ZBTB1: variants seen among roughly 807,000 people sequenced by gnomAD.
The protein encoded by ZBTB1 is zinc finger and BTB domain-containing protein 1.
A neutral mutation model predicts 51.6 loss-of-function variants in ZBTB1; 13 were observed. The observed-to-expected ratio is 0.25, with a 90% CI of 0.16 to 0.40. The LOEUF (loss-of-function observed/expected upper bound fraction) is 0.40, where lower values mean the gene tolerates loss of function less well. Among genes scored for constraint, ZBTB1 ranks in the 10% least tolerant of loss-of-function variants. ZBTB1 has a pLI of 1.00. For synonymous variants in ZBTB1, 240 were observed against 282.2 expected, an observed-to-expected ratio of 0.85 and a Z score of 1.50; for missense variants, 567 against 856.5, an observed-to-expected ratio of 0.66 and a Z score of 4.22.
intron 2 of ZBTB1, among the ~76,000 whole-genome samples, chr14:64,530,047 C>G (rs1050648096): frequency 1.3e-5 from 2 of 152,190 alleles, no homozygotes; most frequent in Non-Finnish European, 2.9e-5. Context: ...AACCTAGCAG[C>G]AAACTTTAAA....
Position 64,504,813 on chromosome 14 carries a change from C to T in ZBTB1, c.-152C>T, listed in dbSNP as rs2140053857. On this transcript the variant is annotated 5_prime_UTR_variant, in exon 1 of 2. Transcript: ENST00000683701. ...GCAGAGCCAGAGCCTCTCCGCGCAGCCCAGCCCGAGCGCCGAGCGCCGCGC... is the reference window on the plus strand; with the variant it reads ...GCAGAGCCAGAGCCTCTCCGCGCAGTCCAGCCCGAGCGCCGAGCGCCGCGC... 2 of 388,790 alleles carry T rather than the reference C, an allele frequency of 5.1e-6. No individual in the cohort carries two copies. Among genetic ancestry groups the T allele is most frequent in the South Asian group, 1.3e-4 (1 of 7,748 alleles). The allele number at this position is 388,790 out of a possible 1,614,324, so 24.1% of individuals were successfully genotyped here. A position where few individuals can be genotyped will look rare whatever the true frequency, so the allele number is the denominator to read the frequency against.
At position 64,522,628 on chromosome 14, in the gene ZBTB1, A is replaced by T; in HGVS notation, c.1124A>T (p.Glu375Val). 1.2e-6 allele frequency: 2 copies of T among 1,614,220 alleles called. No homozygotes were observed. The highest frequency in any genetic ancestry group is 4.5e-5 in the East Asian group (2 of 44,890). Residue 375 changes from glutamate to valine, a missense_variant, in exon 2 of 2, where the codon GAA (glutamate) becomes GTA (valine). Around this residue, in one of 5 missense-constraint regions of ZBTB1, gnomAD observed 329 missense variants for 406.3 expected, o/e 0.81. Coordinates refer to ENST00000683701, the MANE Select transcript of ZBTB1 (RefSeq NM_001123329.2). ...GAGCCATTTTATAGATACTATGTTGAAGAAGATGTCAGCATAAAAAAAAGT... is the reference window on the plus strand; with the variant it reads ...GAGCCATTTTATAGATACTATGTTGTAGAAGATGTCAGCATAAAAAAAAGT... Reference protein sequence around the residue: ...PEEPFYRYYVEEDVSIKKSGR... With the variant: ...PEEPFYRYYVVEDVSIKKSGR...
chr14:64,523,876 T>C lies in ZBTB1; in HGVS notation c.*230T>C, dbSNP rs1195809511. ...TTATTTGTTTTTAGTTTTTCTTAGCTATGATTAAAATTTTTAAATGTAGAC... is the reference window on the plus strand; with the variant it reads ...TTATTTGTTTTTAGTTTTTCTTAGCCATGATTAAAATTTTTAAATGTAGAC... On this transcript the variant is annotated 3_prime_UTR_variant, in exon 2 of 2. Coordinates refer to ENST00000683701, the MANE Select transcript of ZBTB1 (RefSeq NM_001123329.2). This position sits in a 1 kb window ranked among gnomAD's most constrained non-coding sequence, Gnocchi z 4.5. 8.3e-7 allele frequency: 1 copy of C among 1,207,448 alleles called. No individual in the cohort carries two copies. The highest frequency in any genetic ancestry group is 1.0e-6 in the Non-Finnish European group (1 of 958,854). The allele number at this position is 1,207,448 out of a possible 1,614,324, so 74.8% of individuals were successfully genotyped here.
downstream of ZBTB1, among the ~76,000 whole-genome samples, chr14:64,529,530 G>C: frequency 6.6e-6 from 1 of 152,172 alleles, no homozygotes; most frequent in Non-Finnish European, 1.5e-5. Flanking sequence ...CCAGCACTTT[G>C]AGAGACTGAG....
intron 2 of ZBTB1, among the ~76,000 whole-genome samples, chr14:64,531,224 C>T (rs2079939859): frequency 1.3e-5 from 2 of 151,566 alleles, no homozygotes; most frequent in African/African-American, 4.8e-5. Flanking sequence ...TCTTTTTTTT[C>T]AAATGCTTAT....
At position 64,523,040 on chromosome 14, in the gene ZBTB1, G is replaced by A. The variant is rs1210919324; in HGVS notation, c.1536G>A (p.Arg512=). 2 of 1,613,940 alleles carry A rather than the reference G, an allele frequency of 1.2e-6. No individual in the cohort carries two copies. The highest frequency in any genetic ancestry group is 1.3e-5 in the African/African-American group (1 of 74,892). Residue 512 remains arginine (R), a synonymous_variant, in exon 2 of 2, where the codon AGG becomes AGA. Transcript: ENST00000683701. This position sits in a 1 kb window ranked among gnomAD's most constrained non-coding sequence, Gnocchi z 4.5. ...DMFVEMLDDF[R]DNHYQINSIQ... is the part of the protein sequence containing the mutation. ...TTGTTGAAATGCTGGATGATTTTAG[G>A]GACAATCATTACCAGATAAACAGTA...
chr14:64,524,803 C>G lies in ZBTB1; in HGVS notation c.*1157C>G, dbSNP rs1367372781. The G allele has an allele frequency of 1.0e-6, 1 of 980,630 alleles. No homozygotes were observed. The highest frequency in any genetic ancestry group is 1.2e-6 in the Non-Finnish European group (1 of 825,788). The allele number at this position is 980,630 out of a possible 1,614,324, so 60.7% of individuals were successfully genotyped here. A position where few individuals can be genotyped will look rare whatever the true frequency, so the allele number is the denominator to read the frequency against. ...TAAAACTTGAGGATTATAAAATAATCACAGAGTATATCAATGGAAACAGTT... is the reference window on the plus strand; with the variant it reads ...TAAAACTTGAGGATTATAAAATAATGACAGAGTATATCAATGGAAACAGTT... On this transcript the variant is annotated 3_prime_UTR_variant, in exon 2 of 2. Coordinates refer to ENST00000683701, the MANE Select transcript of ZBTB1 (RefSeq NM_001123329.2).
rs571886106 is a variant in ZBTB1, at chr14:64,524,947, T to C, written c.*1301T>C. 14 of 983,456 alleles carry C rather than the reference T, an allele frequency of 1.4e-5. No homozygotes were observed. Among genetic ancestry groups the C allele is most frequent in the African/African-American group, 3.5e-5 (2 of 57,228 alleles). 60.9% of individuals were successfully genotyped at this position (983,456 alleles called of 1,614,324 possible). ...CCCACCAATAAACACATCTATTGAA[T>C]AGAATGCCTTTTAATGTGAATTACT... On this transcript the variant is annotated 3_prime_UTR_variant, in exon 2 of 2. Transcript: ENST00000683701.
chr14:64,522,556 A>T lies in ZBTB1; in HGVS notation c.1052A>T (p.Asp351Val). Residue 351 changes from aspartate (D) to valine (V), a missense_variant, in exon 2 of 2, where the codon GAC (aspartate) becomes GTC (valine). Around this residue, in one of 5 missense-constraint regions of ZBTB1, gnomAD observed 329 missense variants for 406.3 expected, o/e 0.81. Transcript: ENST00000683701. The part of the protein sequence containing the change: ...DFNIIKVTDK[D>V]CNESTDNDEL... ...AACATTATTAAAGTTACTGATAAAG[A>T]CTGTAATGAATCCACTGACAATGAT... 8 of 1,613,998 alleles carry T rather than the reference A, an allele frequency of 5.0e-6. No individual in the cohort carries two copies. The highest frequency in any genetic ancestry group is 5.9e-6 in the Non-Finnish European group (7 of 1,179,982).
intron 1 of ZBTB1, among the ~76,000 whole-genome samples, chr14:64,511,875 G>T (rs1156556671): frequency 6.6e-6 from 1 of 152,198 alleles, no homozygotes; most frequent in Non-Finnish European, 1.5e-5. Flanking sequence ...GGAGAAAACA[G>T]CCAGCCGGGT....
At chr14:64,531,873 G>T in exon 3 of ZBTB1, 1 of 1,613,692 alleles carries the variant, frequency 6.2e-7, no homozygotes, top group Non-Finnish European at 8.5e-7. Flanking sequence ...GTGAAATAGG[G>T]CCTTCTAAAC....
At chr14:64,517,936 C>G (rs917157337) in intron 1 of ZBTB1, among the ~76,000 whole-genome samples, 6 of 151,496 alleles carry the variant, frequency 4.0e-5, no homozygotes, top group African/African-American at 1.5e-4. Context: ...CAGGCGCAAG[C>G]AATTCTCTTG....
exon 3 of ZBTB1, chr14:64,531,991 C>A: frequency 6.9e-7 from 1 of 1,451,164 alleles, no homozygotes; most frequent in Non-Finnish European, 9.4e-7. Context: ...GAAGTGGCAC[C>A]ATCTTTTCTG....
In ZBTB1 at chr14:64,524,213, A is replaced by C. The variant is rs1379979844; in HGVS notation, c.*567A>C. The C allele has an allele frequency of 3.0e-6, 3 of 985,136 alleles. No homozygotes were observed. The highest frequency in any genetic ancestry group is 2.4e-6 in the Non-Finnish European group (2 of 829,830). The allele number at this position is 985,136 out of a possible 1,614,324, so 61.0% of individuals were successfully genotyped here. A position where few individuals can be genotyped will look rare whatever the true frequency, so the allele number is the denominator to read the frequency against. ...AACCTTTAAGGTTGACATGGGCTCA[A>C]ACTTGGCCTAAAAAGATTGATGAAC... On this transcript the variant is annotated 3_prime_UTR_variant, in exon 2 of 2. Transcript: ENST00000683701.
At chr14:64,508,947 A>T (rs1055900332) in intron 1 of ZBTB1, among the ~76,000 whole-genome samples, 6 of 152,238 alleles carry the variant, frequency 3.9e-5, no homozygotes, top group Admixed American at 3.9e-4. Context: ...AATAATTGCA[A>T]TATCTGCCTT....
intron 1 of ZBTB1, among the ~76,000 whole-genome samples, chr14:64,509,980 T>TAAA (rs368681831): frequency 7.5e-6 from 1 of 133,404 alleles, no homozygotes. Flanking sequence ...CCGTCTCAAT[T>TAAA]AAAAAAAAAA....
chr14:64,518,815 C>T (rs181470715), intron 1 of ZBTB1, among the ~76,000 whole-genome samples: 68 of 149,444 alleles, frequency 4.6e-4, no homozygotes, highest in Non-Finnish European at 8.5e-4. Context: ...TCCTTTCTTC[C>T]TTATCCAAAG....
chr14:64,530,656 T>C (rs2079936053), intron 2 of ZBTB1, among the ~76,000 whole-genome samples: 1 of 152,178 alleles, frequency 6.6e-6, no homozygotes, highest in Non-Finnish European at 1.5e-5. Flanking sequence ...CTTACATTTA[T>C]ATGCACACAA....
Position 64,524,882 on chromosome 14 carries a change from C to G in ZBTB1, c.*1236C>G. On this transcript the variant is annotated 3_prime_UTR_variant, in exon 2 of 2. Transcript: ENST00000683701. ...TTGTTAGTTGTTGCTGACACAGGGT[C>G]TACATAATTACATGTGAATTAAAAC... 2 of 985,324 alleles carry G rather than the reference C, an allele frequency of 2.0e-6. No homozygotes were observed. The highest frequency in any genetic ancestry group is 2.4e-6 in the Non-Finnish European group (2 of 829,908). The allele number at this position is 985,324 out of a possible 1,614,324, so 61.0% of individuals were successfully genotyped here.
Sources: allele counts gnomAD v4.1 joint callset (sites outside exome capture counted in the v4.1 genomes callset), GRCh38; gene constraint gnomAD v4.1.1; regional missense constraint gnomAD v4.1.1; non-coding constraint Gnocchi (gnomAD v3.1); transcripts MANE v1.5; gene names NCBI Gene and HGNC (gene_info 2026-07-23, HGNC 2026-07-21).